The following RIMBP2 variants were observed in gnomAD, a reference collection of about 807,000 sequenced individuals.
The protein encoded by RIMBP2 is RIMS-binding protein 2.
A neutral mutation model predicts 118.6 loss-of-function variants in RIMBP2; 48 were observed. The ratio of observed to expected loss-of-function variants is 0.40; its 90% CI spans 0.32 to 0.51. The LOEUF is 0.51. Among genes scored for constraint, RIMBP2 ranks in the 20% least tolerant of loss-of-function variants. RIMBP2 has a pLI of 0.41. For missense variants in RIMBP2, 1,551 were observed against 1,768.3 expected (o/e 0.88, Z 2.20); for synonymous variants, 762 against 742.9 (o/e 1.03, Z -0.42).
chr12:130,546,718 C>T (rs944729799), intron 2 of RIMBP2, among the ~76,000 whole-genome samples: 3 of 152,212 alleles, frequency 2.0e-5, no homozygotes, highest in African/African-American at 7.2e-5. Context: ...GGTAAACTGG[C>T]AGCCCACCAG....
At chr12:130,513,518 G>A (rs548093542) in intron 3 of RIMBP2, among the ~76,000 whole-genome samples, 2 of 6,292 alleles carry the variant, frequency 3.2e-4, no homozygotes, top group South Asian at 0.33. Flanking sequence ...GCGGGGAGGA[G>A]GGAGCTTTAA....
chr12:130,436,273 C>G (rs563773165), intron 13 of RIMBP2, among the ~76,000 whole-genome samples: 1 of 152,312 alleles, frequency 6.6e-6, no homozygotes, highest in South Asian at 2.1e-4. Context: ...CAGAAAAGTT[C>G]AGTTAGCAGG....
chr12:130,509,719 G>C (rs539790060), intron 3 of RIMBP2, among the ~76,000 whole-genome samples: 5 of 148,770 alleles, frequency 3.4e-5, no homozygotes, highest in African/African-American at 1.0e-4. Flanking sequence ...TCCTGCCCAT[G>C]CCCTCTGCCC....
intron 2 of RIMBP2, among the ~76,000 whole-genome samples, chr12:130,544,013 C>G (rs767700737): frequency 3.3e-5 from 5 of 152,188 alleles, no homozygotes; most frequent in Non-Finnish European, 5.9e-5. Flanking sequence ...GATCACTCAT[C>G]TTGGTTTCTG....
chr12:130,608,829 C>A (rs115207690), intron 2 of RIMBP2, among the ~76,000 whole-genome samples: 1 of 152,120 alleles, frequency 6.6e-6, no homozygotes, highest in African/African-American at 2.4e-5. Context: ...CATTTTTAAC[C>A]AATACATCGT....
intron 3 of RIMBP2, among the ~76,000 whole-genome samples, chr12:130,514,494 G>C (rs2051236914): frequency 6.6e-6 from 1 of 152,206 alleles, no homozygotes; most frequent in South Asian, 2.1e-4. Flanking sequence ...TGCCTGCAGG[G>C]CTCAGCTCCA....
At chr12:130,532,732 TTC>T (rs1230094356) in intron 2 of RIMBP2, among the ~76,000 whole-genome samples, 39 of 129,942 alleles carry the variant, frequency 3.0e-4, no homozygotes, top group East Asian at 9.6e-4. Context: ...GATGTGTGTG[TTC>T]AGCCTCTAGG....
chr12:130,543,962 C>T (rs1335271029), intron 2 of RIMBP2, among the ~76,000 whole-genome samples: 5 of 152,094 alleles, frequency 3.3e-5, no homozygotes, highest in Non-Finnish European at 7.4e-5. Flanking sequence ...GGATTGTCAC[C>T]GTTTTAACCT....
intron 5 of RIMBP2, among the ~76,000 whole-genome samples, chr12:130,474,114 C>A (rs781384833): frequency 2.0e-5 from 3 of 152,162 alleles, no homozygotes; most frequent in Admixed American, 6.5e-5. Context: ...GGAGCGCAGC[C>A]GGACCCCAGG....
Position 130,434,652 on chromosome 12 carries a change from G to T in RIMBP2, c.2253+82C>A. The T allele has an allele frequency of 7.0e-7, 1 of 1,419,348 alleles. No individual in the cohort carries two copies. Among genetic ancestry groups the T allele is most frequent in the Non-Finnish European group, 9.4e-7 (1 of 1,063,212 alleles). 87.9% of individuals were successfully genotyped at this position (1,419,348 alleles called of 1,614,324 possible). On this transcript the variant is annotated intron_variant, in intron 14 of 22. Transcript: ENST00000690449. The surrounding 1 kb of genome is among the most constrained non-coding windows in gnomAD (Gnocchi z 5.7). ...GGGACCCAAGGGTAGCGGGGAAAGT[G>T]CCCATGTCTCTTGATCTCCACGGGG...
chr12:130,614,213 G>GT (rs2060758169), intron 2 of RIMBP2, among the ~76,000 whole-genome samples: 1 of 152,152 alleles, frequency 6.6e-6, no homozygotes, highest in Non-Finnish European at 1.5e-5. Flanking sequence ...TCCTTAAAGA[G>GT]TACAATAAAG....
intron 1 of RIMBP2, among the ~76,000 whole-genome samples, chr12:130,676,845 G>GGCT (rs1032270714): frequency 3.3e-5 from 5 of 152,104 alleles, no homozygotes; most frequent in African/African-American, 4.8e-5. Flanking sequence ...ACAAGTGAGG[G>GGCT]GCTGCTGGGG....
In RIMBP2 at chr12:130,525,720, C is replaced by A. The variant is rs1185801087; in HGVS notation, c.-216-7803G>T. On this transcript the variant is annotated intron_variant, in intron 2 of 22. Transcript: ENST00000690449. This position sits in a 1 kb window ranked among gnomAD's most constrained non-coding sequence, Gnocchi z 4.4. The stretch of plus-strand genomic sequence containing the variant: ...ATGGGGGGAGATGACCCAAGGGGCT[C>A]ATGTTGGATGATGCAGCAGCTTTGA... 6.6e-6 allele frequency among the ~76,000 whole-genome samples: 1 copy of A among 152,152 alleles called. No individual in the cohort carries two copies. Among genetic ancestry groups the A allele is most frequent in the Non-Finnish European group, 1.5e-5 (1 of 68,014 alleles).
intron 1 of RIMBP2, among the ~76,000 whole-genome samples, chr12:130,679,450 A>G (rs1441712945): frequency 6.6e-6 from 1 of 152,218 alleles, no homozygotes; most frequent in Non-Finnish European, 1.5e-5. Flanking sequence ...GCCTTTTTAA[A>G]CATCCACGTT....
In RIMBP2 at chr12:130,656,619, C is replaced by T. The variant is rs1026807920; in HGVS notation, c.-351-28163G>A. Among the ~76,000 whole-genome samples, 8 of 152,280 alleles carry T rather than the reference C, an allele frequency of 5.3e-5. No individual in the cohort carries two copies. In the South Asian group the frequency reaches 6.2e-4, roughly 12 times the overall value. On this transcript the variant is annotated intron_variant, in intron 1 of 22. Transcript: ENST00000690449. ...CTCCTGGCAGCCTCAGGCACTCCTC[C>T]GCTTGTGAGCGACCTCCCCGCGTCT... is the stretch of plus-strand genomic sequence containing the variant.
rs796339205 is a variant in RIMBP2 at position 130,462,540 on chromosome 12, C to G, written c.154-5840G>C. 2.8e-4 allele frequency among the ~76,000 whole-genome samples: 43 copies of G among 152,328 alleles called. 1 individual carries two copies. The highest frequency in any genetic ancestry group is 1.0e-3 in the African/African-American group (43 of 41,556). On this transcript the variant is annotated intron_variant, in intron 6 of 22. Coordinates refer to ENST00000690449, the MANE Select transcript of RIMBP2 (RefSeq NM_001393629.1). ...ATGTCACCCAGCTCACACATCTTAG[C>G]ACTGCCTCACCTTTGAACGAGCAGG...
intron 1 of RIMBP2, among the ~76,000 whole-genome samples, chr12:130,680,369 T>C (rs2064721228): frequency 6.6e-6 from 1 of 152,076 alleles, no homozygotes; most frequent in Non-Finnish European, 1.5e-5. Flanking sequence ...GTGCCATGGG[T>C]GCCTTTGAAT....
In RIMBP2 at chr12:130,406,063, G is replaced by A. The variant is rs2075143777; in HGVS notation, c.3765+109C>T. The A allele has an allele frequency of 1.3e-5, 9 of 706,594 alleles. No homozygotes were observed. In the Admixed American group the frequency reaches 1.7e-4, roughly 14 times the overall value. 43.8% of individuals were successfully genotyped at this position (706,594 alleles called of 1,614,324 possible). ...TAAGCAAAGCTATCAGCAGGCGTAT[G>A]ACGTTCATGCCCAATTTTAAGAGAA... On this transcript the variant is annotated intron_variant, in intron 21 of 22. Coordinates refer to ENST00000690449, the MANE Select transcript of RIMBP2 (RefSeq NM_001393629.1).
intron 5 of RIMBP2, among the ~76,000 whole-genome samples, chr12:130,478,491 C>T (rs183477029): frequency 7.9e-4 from 121 of 152,292 alleles, no homozygotes; most frequent in African/African-American, 2.7e-3. Context: ...TGCAAGAAAA[C>T]AAAACTCCTT....
Sources: gnomAD v4.1 joint callset for allele counts (sites outside exome capture counted in the v4.1 genomes callset) on GRCh38, gnomAD v4.1.1 for gene constraint, Gnocchi (gnomAD v3.1) non-coding constraint, MANE v1.5 for transcripts, NCBI Gene and HGNC (gene_info 2026-07-23, HGNC 2026-07-21) for gene names.